PARVB: variants seen among roughly 807,000 people sequenced by gnomAD.
PARVB encodes the protein beta-parvin.
PARVB carries 46 observed loss-of-function variants against 47.0 expected under a neutral mutation model. The ratio of observed to expected loss-of-function variants is 0.98; its 90% CI spans 0.77 to 1.25. The LOEUF (loss-of-function observed/expected upper bound fraction) is 1.25, where lower values mean the gene tolerates loss of function less well. Ranked by LOEUF, PARVB falls within the 50% of genes most tolerant of loss-of-function variation. PARVB has a pLI of 0.00. For synonymous variants in PARVB, 196 were observed against 196.3 expected (o/e 1.00, Z 0.01); for missense variants, 473 against 471.6 (o/e 1.00, Z -0.03).
Position 44,168,400 on chromosome 22 carries a change from C to T in PARVB, c.1019-202C>T, listed in dbSNP as rs574551269. 475 of 551,162 alleles carry T rather than the reference C, an allele frequency of 8.6e-4. 1 individual carries two copies. The highest frequency in any genetic ancestry group is 1.3e-3 in the Non-Finnish European group (399 of 304,416). The allele number at this position is 551,162 out of a possible 1,614,324, so 34.1% of individuals were successfully genotyped here. A position where few individuals can be genotyped will look rare whatever the true frequency, so the allele number is the denominator to read the frequency against. On this transcript the variant is annotated intron_variant, in intron 12 of 12. Coordinates refer to ENST00000338758, the MANE Select transcript of PARVB (RefSeq NM_013327.5). Reference sequence around the variant, plus strand: ...CCTGTCCCCGCAGGGTGTCAGCCCGCGCCAGGAGCTCTCACAAAACCTGTG... The same window carrying T: ...CCTGTCCCCGCAGGGTGTCAGCCCGTGCCAGGAGCTCTCACAAAACCTGTG...
intron 1 of PARVB, 140 bp from the exon 2 acceptor site, chr22:44,093,788 C>A: frequency 1.7e-6 from 1 of 602,132 alleles, no homozygotes; most frequent in Non-Finnish European, 2.9e-6. Context: ...CTGACTCTTT[C>A]TGGGCAACAG....
chr22:44,055,115 T>C (rs1178537349), intron 1 of PARVB, among the ~76,000 whole-genome samples: 1 of 148,620 alleles, frequency 6.7e-6, no homozygotes, highest in East Asian at 2.0e-4. Context: ...TACAAAAGAG[T>C]GTACATATGT....
At position 44,171,212 on chromosome 22, in the gene PARVB, T is replaced by C. The variant is rs2054265136; in HGVS notation, c.*2534T>C. On this transcript the variant is annotated 3_prime_UTR_variant, in exon 13 of 13. Transcript: ENST00000338758. ...GATTGGGATTTGAAAAGAACAGAGC[T>C]TGGCCAGGTGCGGTGGCTCACGCCT... is the stretch of plus-strand genomic sequence containing the variant. The C allele has an allele frequency of 6.6e-6, 1 of 152,284 alleles. No homozygotes were observed. Among genetic ancestry groups the C allele is most frequent in the African/African-American group, 2.4e-5 (1 of 41,456 alleles). The allele number at this position is 152,284 out of a possible 1,614,324, so 9.4% of individuals were successfully genotyped here.
At chr22:44,085,519 G>A (rs1235636915) in intron 1 of PARVB, among the ~76,000 whole-genome samples, 1 of 152,080 alleles carries the variant, frequency 6.6e-6, no homozygotes, top group Non-Finnish European at 1.5e-5. Flanking sequence ...TGCCCCGCTG[G>A]TCTCGAACTC....
At chr22:44,053,956 C>T (rs932185962) in intron 1 of PARVB, among the ~76,000 whole-genome samples, 1 of 152,200 alleles carries the variant, frequency 6.6e-6, no homozygotes, top group South Asian at 2.1e-4. Flanking sequence ...TCCTGCCTTC[C>T]TGGGCCTTTT....
intron 8 of PARVB, chr22:44,140,756 G>C (rs1477160094): frequency 2.8e-6 from 1 of 352,348 alleles, no homozygotes; most frequent in Non-Finnish European, 5.7e-6. Context: ...TGCTTGGCCG[G>C]GGGACAGCCC....
chr22:43,999,483 C>A, intron 1 of PARVB: 1 of 1,559,764 alleles, frequency 6.4e-7, no homozygotes, highest in Non-Finnish European at 8.8e-7. Flanking sequence ...TTTCTAGCTT[C>A]TCTTGAGAAA....
At chr22:44,162,483 G>A (rs571602130) in intron 11 of PARVB, among the ~76,000 whole-genome samples, 16 of 150,526 alleles carry the variant, frequency 1.1e-4, no homozygotes, top group Middle Eastern at 3.4e-3. Flanking sequence ...CACCATGCCC[G>A]GCTAATTTTT....
rs796581966 is a variant in PARVB, at chr22:44,055,674, C to A, written c.112+31223C>A. ...TCTATCCATCTCTCTCTCTCTCTCT[C>A]TCTCTATATATATATATATTTGAAG... On this transcript the variant is annotated intron_variant, in intron 1 of 12. Transcript: ENST00000338758. 3.6e-3 allele frequency among the ~76,000 whole-genome samples: 490 copies of A among 137,032 alleles called. 2 individuals are homozygous for A. Among genetic ancestry groups the A allele is most frequent in the African/African-American group, 7.7e-3 (268 of 34,908 alleles). The allele number at this position is 137,032 out of a possible 152,430, so 89.9% of individuals were successfully genotyped here.
upstream of PARVB, among the ~76,000 whole-genome samples, chr22:44,022,441 C>T (rs130415): frequency 0.51 from 77,184 of 151,926 alleles, 19,706 homozygotes; most frequent in Middle Eastern, 0.62. Flanking sequence ...CCACGCTACA[C>T]GGCCACTGTG....
rs2054251900 is a variant in PARVB at position 44,170,127 on chromosome 22, A to T, written c.*1449A>T. ...TTGATCCTCCCACCTCAGCCTCCCA[A>T]GTAGCGGGGACCACAAGTGCACACC... On this transcript the variant is annotated 3_prime_UTR_variant, in exon 13 of 13. Coordinates refer to ENST00000338758, the MANE Select transcript of PARVB (RefSeq NM_013327.5). 1 of 140,154 alleles carries T rather than the reference A, an allele frequency of 7.1e-6. No individual in the cohort carries two copies. Among genetic ancestry groups the T allele is most frequent in the South Asian group, 2.1e-4 (1 of 4,788 alleles). 8.7% of individuals were successfully genotyped at this position (140,154 alleles called of 1,614,324 possible). A position where few individuals can be genotyped will look rare whatever the true frequency, so the allele number is the denominator to read the frequency against.
At chr22:44,016,571 A>G (rs2050585750) in intron 2 of PARVB, among the ~76,000 whole-genome samples, 1 of 152,216 alleles carries the variant, frequency 6.6e-6, no homozygotes, top group Non-Finnish European at 1.5e-5. Flanking sequence ...CTTATGTTTC[A>G]TATACACCTT....
chr22:44,017,886 G>A (rs193177793), intron 2 of PARVB, among the ~76,000 whole-genome samples: 3 of 152,090 alleles, frequency 2.0e-5, no homozygotes, highest in African/African-American at 7.2e-5. Context: ...GGGTGTCAGG[G>A]GGGCCTTCCA....
chr22:44,081,482 G>T, intron 1 of PARVB: 1 of 348,208 alleles, frequency 2.9e-6, no homozygotes, highest in Non-Finnish European at 4.0e-6. Context: ...TATTTTCTCA[G>T]CAGACAACGC....
chr22:44,140,097 T>C, intron 7 of PARVB, 27 bp from the exon 8 acceptor site: 1 of 1,613,670 alleles, frequency 6.2e-7, no homozygotes. Context: ...ACCCATCTCA[T>C]GGCTCTCTCT....
At chr22:44,106,363 C>G (rs983051038) in intron 3 of PARVB, 1 of 152,164 alleles carries the variant, frequency 6.6e-6, no homozygotes, top group Non-Finnish European at 1.5e-5. Context: ...CCAGAACATC[C>G]TTTGTGTACT....
chr22:44,080,023 G>T (rs2051864846), intron 1 of PARVB, among the ~76,000 whole-genome samples: 1 of 152,228 alleles, frequency 6.6e-6, no homozygotes, highest in African/African-American at 2.4e-5. Flanking sequence ...AGGGCCAGTT[G>T]TGATTTTATC....
At chr22:44,130,807 G>A (rs1284743803) in intron 4 of PARVB, among the ~76,000 whole-genome samples, 1 of 152,048 alleles carries the variant, frequency 6.6e-6, no homozygotes, top group Non-Finnish European at 1.5e-5. Context: ...CATTTTGTAT[G>A]CATAGAATGT....
chr22:44,051,619 C>T (rs987664595), intron 1 of PARVB, among the ~76,000 whole-genome samples: 8 of 152,058 alleles, frequency 5.3e-5, no homozygotes, highest in African/African-American at 9.7e-5. Flanking sequence ...TGCCGGGAAG[C>T]GCTTGGTTTG....
Sources: gnomAD v4.1 joint callset for allele counts (sites outside exome capture counted in the v4.1 genomes callset) on GRCh38, gnomAD v4.1.1 for gene constraint, MANE v1.5 for transcripts, NCBI Gene and HGNC (gene_info 2026-07-23, HGNC 2026-07-21) for gene names.